PSAP: variants seen among roughly 807,000 people sequenced by gnomAD.
PSAP encodes precursor of saposins.
A neutral mutation model predicts 66.0 loss-of-function variants in PSAP; 25 were observed. The ratio of observed to expected loss-of-function variants is 0.38; its 90% CI spans 0.28 to 0.53. The LOEUF is 0.53. PSAP is among the 20% of genes least tolerant of loss of function. PSAP has a pLI of 0.83. For synonymous variants in PSAP, 273 were observed against 258.9 expected, an observed-to-expected ratio of 1.05 and a Z score of -0.52; for missense variants, 649 against 668.8, an observed-to-expected ratio of 0.97 and a Z score of 0.33.
In PSAP at chr10:71,819,797, G is replaced by C; in HGVS notation, c.1109C>G (p.Ser370Cys). Residue 370 changes from serine (S) to cysteine (C), a missense_variant, in exon 10 of 14, where the codon TCC (serine) becomes TGC (cysteine). By Grantham distance (112) the Ser-to-Cys change is moderately radical (BLOSUM62 -1). Coordinates refer to ENST00000394936, the MANE Select transcript of PSAP (RefSeq NM_002778.4). ...VVDTYGSSIL[S>C]ILLEEVSPEL... ...AGGGCTGACCTCCTCCAGCAGGATGGACAGGATGGAGCTGCCGTACGTGTC... is the reference window on the plus strand; with the variant it reads ...AGGGCTGACCTCCTCCAGCAGGATGCACAGGATGGAGCTGCCGTACGTGTC... The C allele has an allele frequency of 6.2e-7, 1 of 1,613,992 alleles. No individual in the cohort carries two copies. Among genetic ancestry groups the C allele is most frequent in the Non-Finnish European group, 8.5e-7 (1 of 1,179,974 alleles).
intron 7 of PSAP, 179 bp downstream of exon 7, chr10:71,825,652 CCCGTAA>C (rs1375305402): frequency 1.4e-6 from 1 of 698,272 alleles, no homozygotes; most frequent in East Asian, 2.7e-5. Context: ...GCCTGCCTCT[CCCGTAA>C]CAGGGGAGGT....
At position 71,834,940 on chromosome 10, in the gene PSAP, T is replaced by A. The variant is rs562777687; in HGVS notation, c.41-435A>T. ...ACAACTGTAGAATGAAGGGTTTTTT[T>A]AAAAAAGAAAAACAGGCTGGGCACG... On this transcript the variant is annotated intron_variant, in intron 1 of 13. Coordinates refer to ENST00000394936, the MANE Select transcript of PSAP (RefSeq NM_002778.4). 1.7e-3 allele frequency among the ~76,000 whole-genome samples: 259 copies of A among 152,144 alleles called. 1 individual carries two copies. The highest frequency in any genetic ancestry group is 5.2e-3 in the African/African-American group (218 of 41,534).
In PSAP at chr10:71,848,705, C is replaced by G. The variant is rs577038873; in HGVS notation, c.40+2477G>C. Among the ~76,000 whole-genome samples the G allele has an allele frequency of 5.9e-5, 9 of 152,328 alleles. No individual in the cohort carries two copies. The East Asian group carries it at 1.7e-3, about 29-fold the overall frequency. On this transcript the variant is annotated intron_variant, in intron 1 of 13. Coordinates refer to ENST00000394936, the MANE Select transcript of PSAP (RefSeq NM_002778.4). ...TTCTAAGTGCCTCTCGGGCAGCAGA[C>G]AATGGCTGCAGTCACCAGGCACTTT... is the stretch of plus-strand genomic sequence containing the variant.
chr10:71,826,107 A>G (rs981005012), intron 6 of PSAP, among the ~76,000 whole-genome samples: 5 of 152,266 alleles, frequency 3.3e-5, no homozygotes, highest in Non-Finnish European at 7.3e-5. Context: ...TGTGTGCAAA[A>G]GACGTTTTGA....
In PSAP at chr10:71,851,226, C is replaced by A; in HGVS notation, c.-5G>T. On this transcript the variant is annotated 5_prime_UTR_variant, in exon 1 of 14. Transcript: ENST00000394936. ...CAGGAGGAAGAGGGCGTACATAGCG[C>A]CGTCTGACTCCGCAGTCTGCAATGC... The A allele has an allele frequency of 6.4e-7, 1 of 1,551,030 alleles. No homozygotes were observed. The highest frequency in any genetic ancestry group is 8.7e-7 in the Non-Finnish European group (1 of 1,146,862).
chr10:71,819,973 A>G, intron 9 of PSAP, 73 bp from the exon 10 acceptor site: 1 of 1,325,324 alleles, frequency 7.5e-7, no homozygotes, highest in South Asian at 1.2e-5. Flanking sequence ...TGAAAATACT[A>G]ACATGGCCAG....
intron 7 of PSAP, chr10:71,823,816 CA>C (rs56911723): frequency 0.037 from 34,501 of 936,914 alleles, 4 homozygotes; most frequent in East Asian, 0.073. Context: ...ATGCCATACC[CA>C]AAAAAAAAAA....
At position 71,816,543 on chromosome 10, in the gene PSAP, A is replaced by C. The variant is rs553930430; in HGVS notation, c.*898T>G. The C allele has an allele frequency of 2.2e-6, 1 of 450,154 alleles. No homozygotes were observed. Among genetic ancestry groups the C allele is most frequent in the East Asian group, 7.2e-5 (1 of 13,852 alleles). 27.9% of individuals were successfully genotyped at this position (450,154 alleles called of 1,614,324 possible). A position where few individuals can be genotyped will look rare whatever the true frequency, so the allele number is the denominator to read the frequency against. On this transcript the variant is annotated 3_prime_UTR_variant, in exon 14 of 14. Transcript: ENST00000394936. ...CCCTCTACCAGGAAGCCAGAGGCCT[A>C]GGAGCTCGCCATCCATATTTATTTG...
chr10:71,830,353 G>A (rs972795137), intron 4 of PSAP, among the ~76,000 whole-genome samples: 5 of 152,182 alleles, frequency 3.3e-5, no homozygotes, highest in Non-Finnish European at 7.3e-5. Context: ...CATTTCCACT[G>A]TCCACATCAC....
At chr10:71,823,830 G>C (rs1454894460) in intron 7 of PSAP, 6 of 1,091,332 alleles carry the variant, frequency 5.5e-6, no homozygotes, top group Non-Finnish European at 7.1e-6. Context: ...AAAAAAAAAA[G>C]CAAAGTAACT....
At chr10:71,827,221 C>A (rs547808520) in intron 6 of PSAP, among the ~76,000 whole-genome samples, 1 of 150,958 alleles carries the variant, frequency 6.6e-6, no homozygotes, top group East Asian at 2.0e-4. Flanking sequence ...ACAGTGAAAC[C>A]CCGTCTCCAC....
chr10:71,848,793 A>AG (rs1842871624), intron 1 of PSAP, among the ~76,000 whole-genome samples: 1 of 152,206 alleles, frequency 6.6e-6, no homozygotes, highest in South Asian at 2.1e-4. Flanking sequence ...AATATCACAA[A>AG]GGGGCCAGAG....
chr10:71,836,847 G>T (rs554454492), intron 1 of PSAP, among the ~76,000 whole-genome samples: 2 of 152,308 alleles, frequency 1.3e-5, no homozygotes, highest in Admixed American at 1.3e-4. Flanking sequence ...TTTGTAGGCT[G>T]CCTACTTCCT....
intron 1 of PSAP, among the ~76,000 whole-genome samples, chr10:71,847,871 T>C (rs1027903390): frequency 2.6e-5 from 4 of 152,146 alleles, no homozygotes; most frequent in African/African-American, 7.2e-5. Context: ...TAAATTCACA[T>C]GTTATTGAAA....
intron 7 of PSAP, among the ~76,000 whole-genome samples, chr10:71,823,063 G>C (rs575647651): frequency 6.6e-6 from 1 of 150,496 alleles, no homozygotes; most frequent in African/African-American, 2.4e-5. Context: ...CTTCTGCCTC[G>C]ATCAGCTTTG....
rs867219919 is a variant in PSAP, at chr10:71,850,417, A to G, written c.40+765T>C. 4.6e-5 allele frequency among the ~76,000 whole-genome samples: 7 copies of G among 152,326 alleles called. No homozygotes were observed. The South Asian group carries it at 1.0e-3, about 23-fold the overall frequency. On this transcript the variant is annotated intron_variant, in intron 1 of 13. Transcript: ENST00000394936. ...AACTAGAAAATGTTTAAATTTACCT[A>G]TGGCCTGGAAGCCCCCCGCCGCTTT...
At chr10:71,826,022 T>A in intron 6 of PSAP, 129 bp from the exon 7 acceptor site, 1 of 767,334 alleles carries the variant, frequency 1.3e-6, no homozygotes, top group Non-Finnish European at 2.3e-6. Flanking sequence ...AAAGTAGAAT[T>A]TTATGAATGT....
chr10:71,825,580 C>T lies in PSAP; in HGVS notation c.777+257G>A, dbSNP rs190736946. The T allele has an allele frequency of 6.4e-4, 356 of 554,776 alleles. 4 individuals carry two copies. The highest frequency in any genetic ancestry group is 5.4e-3 in the African/African-American group (286 of 52,848). The allele number at this position is 554,776 out of a possible 1,614,324, so 34.4% of individuals were successfully genotyped here. A position where few individuals can be genotyped will look rare whatever the true frequency, so the allele number is the denominator to read the frequency against. Reference sequence around the variant, plus strand: ...CTAGAAACCTGATGGCTGGCCTGAACGGGCAGAGGCAAACAAATTGCCAGG... The same window carrying T: ...CTAGAAACCTGATGGCTGGCCTGAATGGGCAGAGGCAAACAAATTGCCAGG... On this transcript the variant is annotated intron_variant, in intron 7 of 13. Transcript: ENST00000394936.
intron 1 of PSAP, among the ~76,000 whole-genome samples, chr10:71,838,256 T>C (rs1392268655): frequency 1.3e-5 from 2 of 152,122 alleles, no homozygotes; most frequent in African/African-American, 4.8e-5. Context: ...CCATGAGAAG[T>C]TGTGCAGACT....
Sources: gnomAD v4.1 joint callset for allele counts (sites outside exome capture counted in the v4.1 genomes callset) on GRCh38, gnomAD v4.1.1 for gene constraint, MANE v1.5 for transcripts, NCBI Gene and HGNC (gene_info 2026-07-23, HGNC 2026-07-21) for gene names.